Variants in COL26A1 observed in about 807,000 individuals in gnomAD.
COL26A1 encodes collagen alpha-1(XXVI) chain.
A neutral mutation model predicts 59.3 loss-of-function variants in COL26A1; 41 were observed. The ratio of observed to expected loss-of-function variants is 0.69; its 90% CI spans 0.54 to 0.90. COL26A1 has a LOEUF of 0.90. COL26A1 is among the 40% of genes least tolerant of loss of function. COL26A1 has a pLI of 0.00. For missense variants in COL26A1, 612 were observed against 602.3 expected, an observed-to-expected ratio of 1.02 and a Z score of -0.17; for synonymous variants, 266 against 256.0, an observed-to-expected ratio of 1.04 and a Z score of -0.37.
At chr7:101,533,958 A>T (rs1795423281) in intron 4 of COL26A1, among the ~76,000 whole-genome samples, 1 of 152,190 alleles carries the variant, frequency 6.6e-6, no homozygotes. Flanking sequence ...GGTGGGGCTG[A>T]AGGGTGCGTG....
chr7:101,463,574 TCCTTC>T (rs1243295811), intron 3 of COL26A1, among the ~76,000 whole-genome samples: 26 of 124,792 alleles, frequency 2.1e-4, no homozygotes, highest in South Asian at 1.2e-3. Flanking sequence ...CTTTCACTTG[TCCTTC>T]CCTTCCCTTC....
At chr7:101,445,459 C>T (rs13232966) in intron 2 of COL26A1, among the ~76,000 whole-genome samples, 58,447 of 151,430 alleles carry the variant, frequency 0.39, 13,942 homozygotes, top group Admixed American at 0.53. Flanking sequence ...GGGCCGGGCG[C>T]GGTGGCTCAC....
intron 3 of COL26A1, among the ~76,000 whole-genome samples, chr7:101,485,887 C>T (rs183661752): frequency 2.6e-4 from 39 of 152,068 alleles, no homozygotes; most frequent in Non-Finnish European, 3.5e-4. Flanking sequence ...GTGATCTCAG[C>T]GGAGCCCGGG....
intron 1 of COL26A1, among the ~76,000 whole-genome samples, chr7:101,393,214 T>C (rs1446986116): frequency 6.6e-6 from 1 of 152,062 alleles, no homozygotes; most frequent in Non-Finnish European, 1.5e-5. Flanking sequence ...GTCAGAGTTT[T>C]CTAGAGGGAC....
chr7:101,530,397 C>A (rs557339198), intron 3 of COL26A1, among the ~76,000 whole-genome samples: 1 of 151,360 alleles, frequency 6.6e-6, no homozygotes, highest in African/African-American at 2.4e-5. Flanking sequence ...GGTAAAACCC[C>A]GTCTCTACTA....
intron 3 of COL26A1, among the ~76,000 whole-genome samples, chr7:101,491,304 A>G (rs765000636): frequency 2.6e-5 from 4 of 152,098 alleles, no homozygotes; most frequent in Admixed American, 6.6e-5. Flanking sequence ...TATTTACACC[A>G]TGGAAATTGA....
chr7:101,368,887 GAAAAAA>G (rs774878249), intron 1 of COL26A1, among the ~76,000 whole-genome samples: 87,409 of 151,180 alleles, frequency 0.58, 26,847 homozygotes, highest in African/African-American at 0.8. Context: ...TTTGTAGGTA[GAAAAAA>G]CTCACTCAAA....
intron 12 of COL26A1, among the ~76,000 whole-genome samples, chr7:101,557,012 GAT>G (rs1491017337): frequency 2.0e-5 from 1 of 50,478 alleles, no homozygotes; most frequent in Non-Finnish European, 5.5e-5. Flanking sequence ...TGGATGGATG[GAT>G]GGATGGATGG....
intron 1 of COL26A1, among the ~76,000 whole-genome samples, chr7:101,377,809 T>C (rs1445548651): frequency 2.0e-5 from 3 of 152,172 alleles, no homozygotes; most frequent in African/African-American, 4.8e-5. Context: ...CAAAACAAAA[T>C]AGGTTGGAAT....
At position 101,545,427 on chromosome 7, in the gene COL26A1, G is replaced by C; in HGVS notation, c.793G>C (p.Gly265Arg). ...ACCACCCGGCCCAGCAGGCAACCCA[G>C]GCCCCTCACCAAACAGCCCCCAGGG... is the stretch of plus-strand genomic sequence containing the variant. ...PGPPGPAGNP[G>R]PSPNSPQGAL... Residue 265 changes from glycine (G) to arginine (R), a missense_variant, in exon 7 of 13, where the codon GGC becomes CGC. By Grantham distance (125) the Gly-to-Arg change is moderately radical (BLOSUM62 -2). Coordinates refer to ENST00000313669, the MANE Select transcript of COL26A1 (RefSeq NM_001278563.3). The C allele has an allele frequency of 6.2e-7, 1 of 1,608,184 alleles. No individual in the cohort carries two copies. The highest frequency in any genetic ancestry group is 8.5e-7 in the Non-Finnish European group (1 of 1,177,942).
chr7:101,386,543 C>T (rs186850258), intron 1 of COL26A1, among the ~76,000 whole-genome samples: 38 of 152,340 alleles, frequency 2.5e-4, no homozygotes, highest in Admixed American at 1.2e-3. Context: ...GCAGCTGAAC[C>T]GCAGGCCCCT....
intron 9 of COL26A1, among the ~76,000 whole-genome samples, chr7:101,550,078 G>A (rs1049031284): frequency 4.6e-5 from 7 of 152,186 alleles, no homozygotes; most frequent in Admixed American, 2.0e-4. Flanking sequence ...CCTTATCTAC[G>A]GGTCCCAGGT....
intron 3 of COL26A1, among the ~76,000 whole-genome samples, chr7:101,483,912 G>A (rs1326773803): frequency 1.3e-5 from 2 of 151,692 alleles, no homozygotes; most frequent in Non-Finnish European, 2.9e-5. Flanking sequence ...CTGACCTTGG[G>A]ATCTGCCCAC....
At chr7:101,459,725 T>C (rs1168076126) in intron 3 of COL26A1, among the ~76,000 whole-genome samples, 1 of 152,128 alleles carries the variant, frequency 6.6e-6, no homozygotes, top group East Asian at 1.9e-4. Flanking sequence ...GATAACTTTA[T>C]TCTGAGTAGG....
chr7:101,507,261 C>T (rs1021087504), intron 3 of COL26A1, among the ~76,000 whole-genome samples: 4 of 152,154 alleles, frequency 2.6e-5, no homozygotes, highest in African/African-American at 9.7e-5. Context: ...AAAAACACTA[C>T]TCCGTCTAGC....
At chr7:101,419,608 GC>G (rs1265844996) in intron 1 of COL26A1, among the ~76,000 whole-genome samples, 1 of 152,204 alleles carries the variant, frequency 6.6e-6, no homozygotes, top group African/African-American at 2.4e-5. Flanking sequence ...TGGGCGAGAT[GC>G]CCTGCTCCGT....
intron 2 of COL26A1, among the ~76,000 whole-genome samples, chr7:101,444,289 T>G (rs1793132191): frequency 1.3e-5 from 2 of 152,072 alleles, no homozygotes; most frequent in South Asian, 4.1e-4. Context: ...TAAACCCACT[T>G]TGGGTTTATT....
chr7:101,530,782 C>A (rs566790149), intron 3 of COL26A1, among the ~76,000 whole-genome samples: 16 of 151,932 alleles, frequency 1.1e-4, no homozygotes, highest in Non-Finnish European at 2.2e-4. Context: ...CATTTTGAGC[C>A]CCAGGAGAGC....
chr7:101,545,407 C>A lies in COL26A1; in HGVS notation c.773C>A (p.Pro258His). The A allele has an allele frequency of 6.2e-7, 1 of 1,606,958 alleles. No individual in the cohort carries two copies. Residue 258 changes from proline to histidine, a missense_variant, in exon 7 of 13, where the codon CCC becomes CAC. By Grantham distance (77) the Pro-to-His change is moderately conservative. Coordinates refer to ENST00000313669, the MANE Select transcript of COL26A1 (RefSeq NM_001278563.3). ...EMGRPGPPGP[P>H]GPAGNPGPSP... The stretch of plus-strand genomic sequence containing the variant: ...GGGCGCCCCGGCCCCCCAGGACCAC[C>A]CGGCCCAGCAGGCAACCCAGGCCCC...
Sources: gnomAD v4.1 joint callset for allele counts (sites outside exome capture counted in the v4.1 genomes callset) on GRCh38, gnomAD v4.1.1 for gene constraint, MANE v1.5 for transcripts, NCBI Gene and HGNC (gene_info 2026-07-23, HGNC 2026-07-21) for gene names.